Variants in HTR2A observed in about 807,000 individuals in gnomAD.
HTR2A encodes 5-hydroxytryptamine receptor 2A.
In HTR2A, 14 loss-of-function variants were observed where a neutral mutation model predicts 31.0. The ratio of observed to expected loss-of-function variants is 0.45; its 90% CI spans 0.30 to 0.71. The LOEUF is 0.71. Ranked by LOEUF, HTR2A falls within the 30% of genes least tolerant of loss-of-function variation. The pLI is 0.09. For missense variants in HTR2A, 442 were observed against 573.3 expected (o/e 0.77, Z 2.34); for synonymous variants, 209 against 225.2 (o/e 0.93, Z 0.64).
At chr13:46,877,321 G>A (rs1950923125) in intron 3 of HTR2A, among the ~76,000 whole-genome samples, 1 of 152,146 alleles carries the variant, frequency 6.6e-6, no homozygotes, top group Admixed American at 6.5e-5. Flanking sequence ...TGATTGGGGA[G>A]AAATTCAAAA....
At chr13:46,863,588 C>T (rs1950796274) in intron 3 of HTR2A, among the ~76,000 whole-genome samples, 1 of 130,410 alleles carries the variant, frequency 7.7e-6, no homozygotes, top group African/African-American at 2.9e-5. Flanking sequence ...TAAGCTGCCA[C>T]TGCACTCCAG....
intron 3 of HTR2A, among the ~76,000 whole-genome samples, chr13:46,849,053 G>T (rs1197992490): frequency 6.6e-6 from 1 of 152,060 alleles, no homozygotes; most frequent in Non-Finnish European, 1.5e-5. Flanking sequence ...TGTCTCCGAT[G>T]GGCATCCCTA....
At position 46,869,668 on chromosome 13, in the gene HTR2A, T is replaced by C. The variant is rs74452468; in HGVS notation, c.613+22722A>G. Among the ~76,000 whole-genome samples, 871 of 152,072 alleles carry C rather than the reference T, an allele frequency of 5.7e-3. 35 individuals are homozygous for C. In the East Asian group the frequency reaches 0.11, roughly 19 times the overall value. On this transcript the variant is annotated intron_variant, in intron 3 of 3. Transcript: ENST00000542664. ...ATAGTCAAAAGCAGAAATCCACATATCCATCAACAGATGAATGAATAAAAT... is the reference window on the plus strand; with the variant it reads ...ATAGTCAAAAGCAGAAATCCACATACCCATCAACAGATGAATGAATAAAAT...
At chr13:46,892,986 T>C (rs1259909425) in intron 2 of HTR2A, among the ~76,000 whole-genome samples, 1 of 152,232 alleles carries the variant, frequency 6.6e-6, no homozygotes, top group Non-Finnish European at 1.5e-5. Flanking sequence ...AGTCACATAT[T>C]TCTCTGGATT....
chr13:46,879,850 C>A (rs926297346), intron 3 of HTR2A, among the ~76,000 whole-genome samples: 7 of 152,006 alleles, frequency 4.6e-5, no homozygotes, highest in African/African-American at 1.5e-4. Context: ...ACAAAAAATA[C>A]AAAAATTAGC....
intron 3 of HTR2A, among the ~76,000 whole-genome samples, chr13:46,869,003 G>C (rs567780265): frequency 6.6e-6 from 1 of 151,996 alleles, no homozygotes. Flanking sequence ...AGACTAAAAA[G>C]GGAAATTATA....
intron 3 of HTR2A, among the ~76,000 whole-genome samples, chr13:46,870,240 T>C (rs1312415444): frequency 6.6e-6 from 1 of 152,138 alleles, no homozygotes; most frequent in Non-Finnish European, 1.5e-5. Context: ...TAGACTACTG[T>C]AGGGATAGAA....
intron 3 of HTR2A, among the ~76,000 whole-genome samples, chr13:46,887,422 C>CAAAAAAA (rs60134726): frequency 9.9e-6 from 1 of 100,592 alleles, no homozygotes; most frequent in African/African-American, 4.2e-5. Context: ...GACTCTGTCT[C>CAAAAAAA]AAAAAAAAAA....
chr13:46,839,533 G>A (rs1012508682), intron 3 of HTR2A, among the ~76,000 whole-genome samples: 1 of 152,112 alleles, frequency 6.6e-6, no homozygotes, highest in African/African-American at 2.4e-5. Flanking sequence ...TGCTTTTGGA[G>A]ACCTGACATC....
chr13:46,876,398 ATATATATTTT>A (rs1950911860), intron 3 of HTR2A, among the ~76,000 whole-genome samples: 2 of 97,020 alleles, frequency 2.1e-5, no homozygotes, highest in Non-Finnish European at 3.9e-5. Context: ...ATATATATAT[ATATATATTTT>A]TTTTTTTTTT....
intron 3 of HTR2A, among the ~76,000 whole-genome samples, chr13:46,878,404 C>T (rs1477680584): frequency 6.6e-6 from 1 of 152,150 alleles, no homozygotes; most frequent in African/African-American, 2.4e-5. Flanking sequence ...TAGAGCTTTT[C>T]ACCTGAGAAG....
chr13:46,835,370 A>G lies in HTR2A; in HGVS notation c.883T>C (p.Phe295Leu), dbSNP rs1439084277. The change falls in exon 4 of 4, where the codon TTC (phenylalanine) becomes CTC (leucine). Residue 295 changes from phenylalanine to leucine, a missense_variant. By Grantham distance (22) the Phe-to-Leu change is conservative (BLOSUM62 0). This residue lies in a region of HTR2A where 174 missense variants were observed against 195.1 expected (regional missense o/e 0.89). Transcript: ENST00000542664. ...GGCTCCCTATGGATCGACCGCTGGA[A>G]GAGCTTTTCTGAAGACAAAGAACTC... Reference protein sequence around the residue: ...PQSSLSSEKLFQRSIHREPGS... With the variant: ...PQSSLSSEKLLQRSIHREPGS... The G allele has an allele frequency of 7.4e-6, 12 of 1,614,132 alleles. No homozygotes were observed.
intron 3 of HTR2A, among the ~76,000 whole-genome samples, chr13:46,881,290 G>T (rs529492376): frequency 1.8e-4 from 28 of 152,254 alleles, no homozygotes; most frequent in African/African-American, 6.5e-4. Context: ...TTGTTTCAGG[G>T]TAGTGACAAG....
Position 46,834,433 on chromosome 13 carries a change from T to C in HTR2A, c.*404A>G, listed in dbSNP as rs551111749. ...ATTATATTCAATAAAATTTTCACTA[T>C]TTATAGCTATTTTTATTTACAGCAA... On this transcript the variant is annotated 3_prime_UTR_variant, in exon 4 of 4. Transcript: ENST00000542664. The C allele has an allele frequency of 1.4e-4, 23 of 161,494 alleles. No individual in the cohort carries two copies. Among genetic ancestry groups the C allele is most frequent in the African/African-American group, 5.5e-4 (23 of 41,758 alleles). The allele number at this position is 161,494 out of a possible 1,614,324, so 10.0% of individuals were successfully genotyped here.
At chr13:46,861,450 G>C (rs1950777843) in intron 3 of HTR2A, among the ~76,000 whole-genome samples, 1 of 152,176 alleles carries the variant, frequency 6.6e-6, no homozygotes, top group Admixed American at 6.5e-5. Context: ...TCGTTTGAGT[G>C]GAACCAGCTG....
At chr13:46,882,912 G>C (rs1330996337) in intron 3 of HTR2A, among the ~76,000 whole-genome samples, 1 of 152,112 alleles carries the variant, frequency 6.6e-6, no homozygotes, top group Non-Finnish European at 1.5e-5. Context: ...CCATAATGTA[G>C]GTTCTGTTAC....
At chr13:46,848,678 G>A (rs912225866) in intron 3 of HTR2A, among the ~76,000 whole-genome samples, 8 of 152,178 alleles carry the variant, frequency 5.3e-5, no homozygotes, top group Non-Finnish European at 1.2e-4. Context: ...CACAAGCTAA[G>A]ACTCAAATCT....
At chr13:46,883,564 T>G (rs977127383) in intron 3 of HTR2A, among the ~76,000 whole-genome samples, 2 of 152,212 alleles carry the variant, frequency 1.3e-5, no homozygotes. Flanking sequence ...GATATGTCTT[T>G]GCTAAAGACA....
chr13:46,884,256 T>C (rs1950988798), intron 3 of HTR2A, among the ~76,000 whole-genome samples: 1 of 152,250 alleles, frequency 6.6e-6, no homozygotes, highest in African/African-American at 2.4e-5. Flanking sequence ...ACTTTCAAAT[T>C]GTCTACTTCT....
Sources: gnomAD v4.1 joint callset for allele counts (sites outside exome capture counted in the v4.1 genomes callset) on GRCh38, gnomAD v4.1.1 for gene constraint, gnomAD v4.1.1 regional missense constraint, MANE v1.5 for transcripts, NCBI Gene and HGNC (gene_info 2026-07-23, HGNC 2026-07-21) for gene names.